The following NRG3 variants were observed in gnomAD, a reference collection of about 807,000 sequenced individuals.
The protein encoded by NRG3 is neuregulin 3, also known as pro-neuregulin-3, membrane-bound isoform.
NRG3 carries 31 observed loss-of-function variants against 66.9 expected under a neutral mutation model. The observed-to-expected ratio is 0.46, with a 90% CI of 0.35 to 0.63. The LOEUF (loss-of-function observed/expected upper bound fraction) is 0.63, where lower values mean the gene tolerates loss of function less well. Ranked by LOEUF, NRG3 falls within the 20% of genes least tolerant of loss-of-function variation. The probability of loss-of-function intolerance (pLI) is 0.00; values close to 1 mark genes in which losing one functional copy is unlikely to be tolerated. For synonymous variants in NRG3, 393 were observed against 359.4 expected (o/e 1.09, Z -1.06); for missense variants, 910 against 878.9 (o/e 1.04, Z -0.45).
At chr10:82,325,846 C>T (rs2081846737) in intron 1 of NRG3, among the ~76,000 whole-genome samples, 1 of 152,126 alleles carries the variant, frequency 6.6e-6, no homozygotes, top group South Asian at 2.1e-4. Context: ...ATTGTATATA[C>T]ATATACATAA....
At chr10:82,400,822 G>T (rs550654081) in intron 2 of NRG3, among the ~76,000 whole-genome samples, 1 of 152,138 alleles carries the variant, frequency 6.6e-6, no homozygotes, top group African/African-American at 2.4e-5. Flanking sequence ...CCATCCTGCT[G>T]CCTCAGGCTG....
intron 1 of NRG3, among the ~76,000 whole-genome samples, chr10:81,971,424 A>G (rs2059929114): frequency 6.6e-6 from 1 of 152,216 alleles, no homozygotes; most frequent in Non-Finnish European, 1.5e-5. Context: ...TATAATATGG[A>G]AATTTAGAAA....
Position 81,921,560 on chromosome 10 carries a change from A to G in NRG3, c.823+45397A>G, listed in dbSNP as rs574685262. Among the ~76,000 whole-genome samples, 448 of 152,190 alleles carry G rather than the reference A, an allele frequency of 2.9e-3. 2 individuals are homozygous for G. Among genetic ancestry groups the G allele is most frequent in the African/African-American group, 0.01 (433 of 41,558 alleles). On this transcript the variant is annotated intron_variant, in intron 1 of 8. Transcript: ENST00000372141. Reference sequence around the variant, plus strand: ...AATATCTATCTATCTGTCTACATTTATGCCTACTATGTTTATGATTGGATT... The same window carrying G: ...AATATCTATCTATCTGTCTACATTTGTGCCTACTATGTTTATGATTGGATT...
intron 2 of NRG3, among the ~76,000 whole-genome samples, chr10:82,564,575 T>G (rs937808635): frequency 1.3e-5 from 2 of 152,138 alleles, no homozygotes; most frequent in Non-Finnish European, 2.9e-5. Context: ...GGCTCAACAT[T>G]TCTCAGCGTA....
At chr10:82,040,413 GTAA>G (rs2062981007) in intron 1 of NRG3, among the ~76,000 whole-genome samples, 2 of 23,190 alleles carry the variant, frequency 8.6e-5, no homozygotes, top group Admixed American at 1.2e-3. Context: ...CAATATATAT[GTAA>G]TATGTAATCT....
rs184366142 is a variant in NRG3, at chr10:82,428,823, T to A, written c.953+69955T>A. Among the ~76,000 whole-genome samples the A allele has an allele frequency of 5.2e-3, 798 of 152,042 alleles. 7 individuals carry two copies. The highest frequency in any genetic ancestry group is 0.019 in the African/African-American group (776 of 41,546). On this transcript the variant is annotated intron_variant, in intron 2 of 8. Coordinates refer to ENST00000372141, the MANE Select transcript of NRG3 (RefSeq NM_001010848.4). ...AGAAGGTGATCAAAATATCCAACTATTAGGGCTGAATTGTCTATTTCTCCC... is the reference window on the plus strand; with the variant it reads ...AGAAGGTGATCAAAATATCCAACTAATAGGGCTGAATTGTCTATTTCTCCC...
At chr10:82,288,777 T>C (rs759705762) in intron 1 of NRG3, among the ~76,000 whole-genome samples, 103 of 152,322 alleles carry the variant, frequency 6.8e-4, no homozygotes, top group Middle Eastern at 3.4e-3. Context: ...TTCCTTCTGA[T>C]GACTGGCACA....
chr10:82,684,564 ACTG>A (rs2054360240), intron 2 of NRG3, among the ~76,000 whole-genome samples: 1 of 150,014 alleles, frequency 6.7e-6, no homozygotes, highest in Non-Finnish European at 1.5e-5. Context: ...TGTCAATATT[ACTG>A]CTTTCTTTTT....
intron 1 of NRG3, among the ~76,000 whole-genome samples, chr10:81,923,266 C>T (rs953214297): frequency 2.0e-5 from 3 of 149,986 alleles, no homozygotes; most frequent in African/African-American, 5.0e-5. Flanking sequence ...AATGCGGTGG[C>T]GCGATCTCGG....
At chr10:82,189,000 A>C (rs2073977134) in intron 1 of NRG3, among the ~76,000 whole-genome samples, 1 of 152,200 alleles carries the variant, frequency 6.6e-6, no homozygotes, top group Non-Finnish European at 1.5e-5. Flanking sequence ...ACTAAAAACA[A>C]AAATTAAAAA....
intron 1 of NRG3, among the ~76,000 whole-genome samples, chr10:82,070,679 C>G (rs911009365): frequency 3.3e-5 from 5 of 151,692 alleles, no homozygotes; most frequent in Admixed American, 2.0e-4. Context: ...AGGAAAAAAA[C>G]GAACAAAGGA....
chr10:82,604,096 G>A (rs1440255140), intron 2 of NRG3, among the ~76,000 whole-genome samples: 1 of 152,002 alleles, frequency 6.6e-6, no homozygotes, highest in East Asian at 1.9e-4. Flanking sequence ...AATTATTTGT[G>A]GCATACATTC....
intron 2 of NRG3, among the ~76,000 whole-genome samples, chr10:82,729,151 A>T (rs2057764556): frequency 2.0e-5 from 3 of 152,254 alleles, no homozygotes; most frequent in South Asian, 4.1e-4. Context: ...AGCCAAAGAC[A>T]TGCCTTTTCC....
chr10:82,328,157 A>G (rs1444000008), intron 1 of NRG3, among the ~76,000 whole-genome samples: 2 of 152,192 alleles, frequency 1.3e-5, no homozygotes, highest in Non-Finnish European at 2.9e-5. Context: ...CAAAACTTCT[A>G]TATCCTTATA....
intron 5 of NRG3, 142 bp downstream of exon 5, chr10:82,951,713 T>C: frequency 1.5e-6 from 1 of 671,674 alleles, no homozygotes; most frequent in Admixed American, 2.6e-5. Context: ...TTAGGACATT[T>C]TTGTAAATTG....
intron 4 of NRG3, among the ~76,000 whole-genome samples, chr10:82,939,712 AC>A (rs1270558886): frequency 6.6e-6 from 1 of 151,494 alleles, no homozygotes; most frequent in East Asian, 2.0e-4. Flanking sequence ...CTCGTGATCC[AC>A]CCGCCTCGGC....
chr10:82,381,353 G>C (rs931938335), intron 2 of NRG3, among the ~76,000 whole-genome samples: 5 of 152,102 alleles, frequency 3.3e-5, no homozygotes, highest in African/African-American at 1.2e-4. Context: ...AACATCTATT[G>C]ATCCTTTTGT....
At chr10:81,949,320 G>A (rs773319723) in intron 1 of NRG3, among the ~76,000 whole-genome samples, 5 of 151,498 alleles carry the variant, frequency 3.3e-5, no homozygotes, top group Non-Finnish European at 7.4e-5. Context: ...GACTAAGGCC[G>A]TACCTCTTTT....
At chr10:82,028,408 T>C (rs1296924575) in intron 1 of NRG3, among the ~76,000 whole-genome samples, 3 of 152,124 alleles carry the variant, frequency 2.0e-5, no homozygotes, top group African/African-American at 7.2e-5. Context: ...AGTCTCACTC[T>C]CATTGGGGAA....
Sources: gnomAD v4.1 joint callset for allele counts (sites outside exome capture counted in the v4.1 genomes callset) on GRCh38, gnomAD v4.1.1 for gene constraint, MANE v1.5 for transcripts, NCBI Gene and HGNC (gene_info 2026-07-23, HGNC 2026-07-21) for gene names.